The following ALX4 variants were observed in gnomAD, a reference collection of about 807,000 sequenced individuals.
ALX4 encodes the protein ALX homeobox 4.
ALX4 carries 22 observed loss-of-function variants against 40.6 expected under a neutral mutation model. That is an observed-to-expected ratio of 0.54 (90% CI 0.39 to 0.77). The LOEUF (loss-of-function observed/expected upper bound fraction) is 0.77. Among genes scored for constraint, ALX4 ranks in the 30% least tolerant of loss-of-function variants. ALX4 has a pLI of 0.00. For synonymous variants in ALX4, 266 were observed against 240.5 expected (o/e 1.11, Z -0.98); for missense variants, 556 against 564.8 (o/e 0.98, Z 0.16).
At position 44,286,168 on chromosome 11, in the gene ALX4, T is replaced by A. The variant is rs534845530; in HGVS notation, c.467-10510A>T. On this transcript the variant is annotated intron_variant, in intron 1 of 3. Transcript: ENST00000652299. ...TGTGTCAGGAGGCTGCTGCATGGAG[T>A]CGGAAGAAGGGACCTTTCAGGATGA... Among the ~76,000 whole-genome samples, 19 of 151,756 alleles carry A rather than the reference T, an allele frequency of 1.3e-4. No individual in the cohort carries two copies. The South Asian group carries it at 1.3e-3, about 10-fold the overall frequency.
chr11:44,298,324 G>T (rs934151592), intron 1 of ALX4, among the ~76,000 whole-genome samples: 12 of 152,212 alleles, frequency 7.9e-5, no homozygotes, highest in African/African-American at 2.9e-4. Context: ...GGGTGTGCTG[G>T]GAAGAGCCCA....
At chr11:44,308,174 C>T (rs953201650) in intron 1 of ALX4, among the ~76,000 whole-genome samples, 4 of 152,204 alleles carry the variant, frequency 2.6e-5, no homozygotes, top group Admixed American at 1.3e-4. Context: ...ATGACCACAT[C>T]GGCTCCTAAA....
At chr11:44,268,018 T>TCACA (rs1484150982) in intron 2 of ALX4, among the ~76,000 whole-genome samples, 1 of 152,188 alleles carries the variant, frequency 6.6e-6, no homozygotes, top group African/African-American at 2.4e-5. Flanking sequence ...TCCTAGACAA[T>TCACA]CACACACAGT....
intron 2 of ALX4, among the ~76,000 whole-genome samples, chr11:44,269,139 G>A (rs747110861): frequency 6.6e-6 from 1 of 152,238 alleles, no homozygotes; most frequent in Non-Finnish European, 1.5e-5. Flanking sequence ...AGGGGAGAAG[G>A]AGGTGTGGAC....
intron 1 of ALX4, among the ~76,000 whole-genome samples, chr11:44,299,883 A>C (rs965146835): frequency 6.6e-6 from 1 of 152,162 alleles, no homozygotes; most frequent in South Asian, 2.1e-4. Flanking sequence ...TGGGGATGAT[A>C]ATAGTACCAA....
intron 1 of ALX4, among the ~76,000 whole-genome samples, chr11:44,304,450 A>G (rs912806035): frequency 6.6e-6 from 1 of 151,064 alleles, no homozygotes; most frequent in Non-Finnish European, 1.5e-5. Context: ...CTACCCACCC[A>G]CCTCGCCTAC....
At position 44,309,712 on chromosome 11, in the gene ALX4, G is replaced by A. The variant is rs761250433; in HGVS notation, c.351C>T (p.Pro117=). The A allele has an allele frequency of 6.4e-7, 1 of 1,572,918 alleles. No homozygotes were observed. The highest frequency in any genetic ancestry group is 8.6e-7 in the Non-Finnish European group (1 of 1,161,458). The change falls in exon 1 of 4, where the codon CCC becomes CCT. Residue 117 remains proline (P), a synonymous_variant. Coordinates refer to ENST00000652299, the MANE Select transcript of ALX4 (RefSeq NM_021926.4). ...PQQQQPQPQP[P]AQPHLYLQRG... is the part of the protein sequence containing the mutation. The stretch of plus-strand genomic sequence containing the variant: ...GCTGCAAGTAAAGATGCGGTTGCGC[G>A]GGCGGCTGGGGCTGCGGCTGCTGCT...
chr11:44,275,066 CCAG>C (rs950763650), intron 2 of ALX4, among the ~76,000 whole-genome samples: 2 of 152,154 alleles, frequency 1.3e-5, no homozygotes, highest in Non-Finnish European at 2.9e-5. Flanking sequence ...CCAGAAACAG[CCAG>C]CAGCAGCCTT....
At chr11:44,303,834 A>T (rs1263090873) in intron 1 of ALX4, among the ~76,000 whole-genome samples, 2 of 152,198 alleles carry the variant, frequency 1.3e-5, no homozygotes, top group African/African-American at 2.4e-5. Context: ...ACCTGCTTCC[A>T]GGCAGCACGC....
chr11:44,275,702 A>C, intron 1 of ALX4, 44 bp from the exon 2 acceptor site: 1 of 1,595,660 alleles, frequency 6.3e-7, no homozygotes, highest in East Asian at 2.2e-5. Flanking sequence ...GGTTGAACCA[A>C]ACAAGAGAAG....
intron 2 of ALX4, among the ~76,000 whole-genome samples, chr11:44,270,174 G>A (rs1015840703): frequency 1.2e-4 from 18 of 152,254 alleles, no homozygotes; most frequent in African/African-American, 4.1e-4. Context: ...TGGAATGTGG[G>A]GCGCGGGCTC....
chr11:44,304,002 G>A (rs1224723162), intron 1 of ALX4, among the ~76,000 whole-genome samples: 1 of 152,192 alleles, frequency 6.6e-6, no homozygotes, highest in South Asian at 2.1e-4. Context: ...AGAAGACCCC[G>A]GTTGCAGCTG....
rs11037949 is a variant in ALX4 at position 44,305,338 on chromosome 11, G to C, written c.466+4259C>G. On this transcript the variant is annotated intron_variant, in intron 1 of 3. Coordinates refer to ENST00000652299, the MANE Select transcript of ALX4 (RefSeq NM_021926.4). ...TTCTATTTAACAACTTTTGTGTTTGGACCAGACTGGTGAAGCAGGCTATGG... is the reference window on the plus strand; with the variant it reads ...TTCTATTTAACAACTTTTGTGTTTGCACCAGACTGGTGAAGCAGGCTATGG... Among the ~76,000 whole-genome samples, 1,348 of 152,256 alleles carry C rather than the reference G, an allele frequency of 8.9e-3. 11 individuals carry two copies. The highest frequency in any genetic ancestry group is 0.027 in the South Asian group (128 of 4,830).
chr11:44,274,916 CT>C (rs1204632685), intron 2 of ALX4, among the ~76,000 whole-genome samples: 1 of 152,126 alleles, frequency 6.6e-6, no homozygotes, highest in East Asian at 1.9e-4. Flanking sequence ...CTAAACTGTT[CT>C]CTGTTTCTGC....
chr11:44,287,204 G>A (rs1034348697), intron 1 of ALX4, among the ~76,000 whole-genome samples: 3 of 152,232 alleles, frequency 2.0e-5, no homozygotes, highest in Non-Finnish European at 2.9e-5. Context: ...GGTGAGTGGG[G>A]AGGACTGTTT....
chr11:44,279,700 G>A (rs1956297712), intron 1 of ALX4, among the ~76,000 whole-genome samples: 1 of 152,006 alleles, frequency 6.6e-6, no homozygotes, highest in Non-Finnish European at 1.5e-5. Flanking sequence ...GCTCCTCCAG[G>A]AAGCCCTCCC....
intron 2 of ALX4, among the ~76,000 whole-genome samples, chr11:44,267,958 C>A (rs561681494): frequency 6.6e-6 from 1 of 152,358 alleles, no homozygotes; most frequent in Admixed American, 6.5e-5. Flanking sequence ...TCTAAGCAGA[C>A]TCCTGTGGAG....
In ALX4 at chr11:44,264,696, C is replaced by G; in HGVS notation, c.*158G>C. 2.5e-6 allele frequency: 2 copies of G among 797,172 alleles called. No homozygotes were observed. Among genetic ancestry groups the G allele is most frequent in the East Asian group, 2.7e-5 (1 of 37,206 alleles). The allele number at this position is 797,172 out of a possible 1,614,324, so 49.4% of individuals were successfully genotyped here. ...TGCTGCCCCCTCCCTCCCAGCAGTC[C>G]ACGGGGCCTCAGACTTGGGGCGGCT... On this transcript the variant is annotated 3_prime_UTR_variant, in exon 4 of 4. Coordinates refer to ENST00000652299, the MANE Select transcript of ALX4 (RefSeq NM_021926.4).
chr11:44,299,582 A>G (rs1316582089), intron 1 of ALX4, among the ~76,000 whole-genome samples: 2 of 151,972 alleles, frequency 1.3e-5, no homozygotes, highest in Non-Finnish European at 2.9e-5. Context: ...GGATGGTCTC[A>G]ATCTCCTGAC....
Sources: allele counts gnomAD v4.1 joint callset (sites outside exome capture counted in the v4.1 genomes callset), GRCh38; gene constraint gnomAD v4.1.1; transcripts MANE v1.5; gene names NCBI Gene and HGNC (gene_info 2026-07-23, HGNC 2026-07-21).